Variants in ACBD6 observed in about 807,000 individuals in gnomAD.
ACBD6 encodes acyl-CoA binding domain containing 6.
Under a neutral mutation model 37.2 loss-of-function variants are expected in ACBD6, and 28 were observed. The observed-to-expected ratio is 0.75, with a 90% CI of 0.56 to 1.03. ACBD6 has a LOEUF of 1.03. ACBD6 is among the 50% of genes least tolerant of loss of function. ACBD6 has a pLI of 0.00. For missense variants in ACBD6, 340 were observed against 337.4 expected (o/e 1.01, Z -0.06); for synonymous variants, 113 against 126.8 (o/e 0.89, Z 0.73).
chr1:180,436,093 T>C (rs1391661550), intron 3 of ACBD6, among the ~76,000 whole-genome samples: 2 of 152,224 alleles, frequency 1.3e-5, no homozygotes, highest in African/African-American at 4.8e-5. Context: ...CTTTAAGATG[T>C]TACCCTTTCA....
At chr1:180,275,147 C>T (rs1425122448) in exon 10 of ACBD6, 1 of 152,284 alleles carries the variant, frequency 6.6e-6, no homozygotes, top group African/African-American at 2.4e-5. Flanking sequence ...CATGCCCCCT[C>T]CTTTTTTATT....
chr1:180,472,867 T>A (rs1357464466), intron 3 of ACBD6, among the ~76,000 whole-genome samples: 1 of 152,174 alleles, frequency 6.6e-6, no homozygotes, highest in East Asian at 1.9e-4. Context: ...TTAGCTGAAC[T>A]GAATCTCAAG....
chr1:180,489,351 C>G lies in ACBD6; in HGVS notation c.384+2918G>C, dbSNP rs376874138. Among the ~76,000 whole-genome samples, 3 of 151,182 alleles carry G rather than the reference C, an allele frequency of 2.0e-5. No homozygotes were observed. The South Asian group carries it at 6.2e-4, about 31-fold the overall frequency. ...TTAAAAGTAAAGACAAAAAAAAAAG[C>G]TATGAGTCAAAGGGGACCAGCTCAG... On this transcript the variant is annotated intron_variant, in intron 3 of 7. Transcript: ENST00000367595.
intron 3 of ACBD6, among the ~76,000 whole-genome samples, chr1:180,484,154 A>G (rs952597375): frequency 4.6e-5 from 7 of 152,334 alleles, no homozygotes; most frequent in African/African-American, 9.6e-5. Flanking sequence ...GGCTCAGGGC[A>G]TTCACACTAA....
chr1:180,424,783 A>G (rs866913241), intron 4 of ACBD6, among the ~76,000 whole-genome samples: 84 of 152,226 alleles, frequency 5.5e-4, no homozygotes, highest in African/African-American at 1.9e-3. Flanking sequence ...AAGAAAACAG[A>G]GAGGAAGAAA....
At chr1:180,407,359 C>CA (rs1289012423) in intron 5 of ACBD6, among the ~76,000 whole-genome samples, 1 of 152,184 alleles carries the variant, frequency 6.6e-6, no homozygotes, top group Non-Finnish European at 1.5e-5. Flanking sequence ...AGCACTACAT[C>CA]AAAGTAACAA....
intron 6 of ACBD6, among the ~76,000 whole-genome samples, chr1:180,329,184 T>C (rs1651375737): frequency 2.0e-5 from 3 of 152,200 alleles, no homozygotes; most frequent in African/African-American, 7.2e-5. Flanking sequence ...ACCAAGTAAA[T>C]GTCTGGGAAT....
intron 7 of ACBD6, among the ~76,000 whole-genome samples, chr1:180,298,217 T>C (rs147220996): frequency 5.9e-5 from 9 of 152,252 alleles, no homozygotes; most frequent in Non-Finnish European, 1.0e-4. Flanking sequence ...TTATCCTGCA[T>C]AGAACTAGCT....
chr1:180,469,755 G>A (rs1283989617), intron 3 of ACBD6, among the ~76,000 whole-genome samples: 2 of 152,252 alleles, frequency 1.3e-5, no homozygotes, highest in East Asian at 3.9e-4. Flanking sequence ...ACCATGTGCA[G>A]GTTAACATTC....
At chr1:180,371,624 C>G (rs995064021) in intron 6 of ACBD6, among the ~76,000 whole-genome samples, 1 of 152,064 alleles carries the variant, frequency 6.6e-6, no homozygotes, top group African/African-American at 2.4e-5. Flanking sequence ...AGTAAGCTCA[C>G]CAATTTCACC....
chr1:180,492,860 C>T (rs546976054), intron 2 of ACBD6, among the ~76,000 whole-genome samples: 16 of 152,264 alleles, frequency 1.1e-4, no homozygotes, highest in African/African-American at 1.9e-4. Context: ...AGAAATCCAC[C>T]TTCCCTTTCT....
intron 3 of ACBD6, 24 bp downstream of exon 3, chr1:180,492,245 T>C: frequency 7.7e-6 from 12 of 1,556,150 alleles, no homozygotes; most frequent in Non-Finnish European, 1.1e-5. Context: ...TTGGAAAGTA[T>C]TATTTATAAT....
intron 3 of ACBD6, among the ~76,000 whole-genome samples, chr1:180,443,334 C>G (rs1316889497): frequency 1.3e-5 from 2 of 152,168 alleles, no homozygotes; most frequent in Non-Finnish European, 2.9e-5. Context: ...AGTCCTATGT[C>G]AGCTCCAGAA....
intron 8 of ACBD6, among the ~76,000 whole-genome samples, chr1:180,281,739 G>T (rs764339153): frequency 6.6e-6 from 1 of 152,012 alleles, no homozygotes; most frequent in Non-Finnish European, 1.5e-5. Flanking sequence ...CCACTACTGT[G>T]GAGAAGTATT....
intron 6 of ACBD6, among the ~76,000 whole-genome samples, chr1:180,317,877 A>G (rs533844211): frequency 7.2e-5 from 11 of 152,206 alleles, no homozygotes; most frequent in Middle Eastern, 3.4e-3. Context: ...GCCAATTCCT[A>G]TAAGAATACT....
At chr1:180,357,801 T>C (rs1056866718) in intron 6 of ACBD6, among the ~76,000 whole-genome samples, 1 of 152,200 alleles carries the variant, frequency 6.6e-6, no homozygotes, top group Non-Finnish European at 1.5e-5. Flanking sequence ...ACTGCTTCCC[T>C]ACAGGTGAAA....
exon 14 of ACBD6, chr1:180,270,194 C>T (rs1049046630): frequency 6.6e-6 from 1 of 152,148 alleles, no homozygotes; most frequent in Non-Finnish European, 1.5e-5. Context: ...TTGTGAGGAC[C>T]GAATGCATAT....
downstream of ACBD6, chr1:180,288,152 G>C: frequency 5.0e-6 from 3 of 597,598 alleles, no homozygotes; most frequent in Non-Finnish European, 8.7e-6. Flanking sequence ...ATTATATTAT[G>C]CACAGTACAC....
intron 6 of ACBD6, among the ~76,000 whole-genome samples, chr1:180,321,692 C>T (rs559123658): frequency 5.3e-5 from 8 of 152,118 alleles, no homozygotes; most frequent in South Asian, 2.1e-4. Flanking sequence ...AGAAATGCTA[C>T]TGATTTTTGT....
Sources: gnomAD v4.1 joint callset for allele counts (sites outside exome capture counted in the v4.1 genomes callset) on GRCh38, gnomAD v4.1.1 for gene constraint, MANE v1.5 for transcripts, NCBI Gene and HGNC (gene_info 2026-07-23, HGNC 2026-07-21) for gene names.